Variants in NCKAP5 observed in about 807,000 individuals in gnomAD.
NCKAP5 encodes NCK associated protein 5.
A neutral mutation model predicts 167.0 loss-of-function variants in NCKAP5; 92 were observed. The ratio of observed to expected loss-of-function variants is 0.55; its 90% CI spans 0.47 to 0.66. NCKAP5 has a LOEUF of 0.66. NCKAP5 is among the 30% of genes least tolerant of loss of function. The probability of loss-of-function intolerance (pLI) is 0.00; values close to 1 mark genes in which losing one functional copy is unlikely to be tolerated. For missense variants in NCKAP5, 2,378 were observed against 2,315.0 expected (o/e 1.03, Z -0.56); for synonymous variants, 891 against 877.4 (o/e 1.02, Z -0.27).
At chr2:133,225,907 C>T (rs746857024) in intron 4 of NCKAP5, among the ~76,000 whole-genome samples, 7 of 150,988 alleles carry the variant, frequency 4.6e-5, no homozygotes, top group East Asian at 3.9e-4. Context: ...CTCAGCCTCC[C>T]GAGTAGCTGG....
intron 2 of NCKAP5, among the ~76,000 whole-genome samples, chr2:133,532,945 G>A (rs1341141219): frequency 1.3e-5 from 2 of 152,174 alleles, no homozygotes; most frequent in Non-Finnish European, 2.9e-5. Flanking sequence ...TAATTTTTCA[G>A]AGGCTAGAGG....
At chr2:133,573,785 G>A in the NCKAP5 span, among the ~76,000 whole-genome samples, 48 of 152,306 alleles carry the variant, frequency 3.2e-4, no homozygotes, top group African/African-American at 1.1e-3. Context: ...AAAAGGGAAC[G>A]GGTGTCGGGA....
intron 18 of NCKAP5, 137 bp from the exon 19 acceptor site, chr2:132,725,896 G>T: frequency 1.1e-6 from 1 of 909,868 alleles, no homozygotes; most frequent in Non-Finnish European, 1.6e-6. Context: ...CCAGCCCGCC[G>T]CTCACCCGAG....
chr2:133,345,745 T>C (rs1444943745), intron 3 of NCKAP5, among the ~76,000 whole-genome samples: 1 of 152,046 alleles, frequency 6.6e-6, no homozygotes, highest in Non-Finnish European at 1.5e-5. Context: ...CATTGTGACT[T>C]TGTAGGTGGT....
At chr2:132,752,561 A>G (rs973606797) in intron 16 of NCKAP5, among the ~76,000 whole-genome samples, 2 of 152,164 alleles carry the variant, frequency 1.3e-5, no homozygotes, top group Admixed American at 1.3e-4. Flanking sequence ...GAATAAGTTT[A>G]TTGGCTTAGT....
intron 5 of NCKAP5, among the ~76,000 whole-genome samples, chr2:133,193,994 C>CT (rs1652657565): frequency 6.6e-6 from 1 of 152,038 alleles, no homozygotes. Context: ...GACTTTACTG[C>CT]TTTTAAATTT....
the NCKAP5 span, among the ~76,000 whole-genome samples, chr2:133,617,037 A>G: frequency 2.4e-3 from 358 of 152,332 alleles, 4 homozygotes; most frequent in African/African-American, 7.5e-3. Flanking sequence ...TATAAACAGA[A>G]CCAAAGACAA....
At chr2:133,493,738 T>C (rs1039360532) in intron 3 of NCKAP5, among the ~76,000 whole-genome samples, 3 of 152,230 alleles carry the variant, frequency 2.0e-5, no homozygotes, top group African/African-American at 7.2e-5. Flanking sequence ...ATAAAGCTAA[T>C]GTTTCCATTT....
At chr2:133,082,067 T>C (rs1056776273) in intron 6 of NCKAP5, among the ~76,000 whole-genome samples, 8 of 152,132 alleles carry the variant, frequency 5.3e-5, no homozygotes, top group Non-Finnish European at 1.2e-4. Context: ...CCCTGCTGTC[T>C]GTTGTGCCCC....
chr2:132,839,889 A>G (rs149186313), intron 11 of NCKAP5, among the ~76,000 whole-genome samples: 1 of 152,338 alleles, frequency 6.6e-6, no homozygotes, highest in African/African-American at 2.4e-5. Flanking sequence ...TATTCTTACA[A>G]TAAAGTAAGC....
chr2:133,205,245 T>C (rs762075317), intron 5 of NCKAP5, among the ~76,000 whole-genome samples: 1 of 151,960 alleles, frequency 6.6e-6, no homozygotes, highest in Non-Finnish European at 1.5e-5. Context: ...ATGGGCCAGG[T>C]TGTGCCACTG....
chr2:133,487,056 A>G (rs1680966383), intron 3 of NCKAP5, among the ~76,000 whole-genome samples: 1 of 152,144 alleles, frequency 6.6e-6, no homozygotes, highest in African/African-American at 2.4e-5. Flanking sequence ...TGGCTCAAAA[A>G]TAGCCCGGAC....
chr2:133,487,849 CTG>C (rs1439829374), intron 3 of NCKAP5, among the ~76,000 whole-genome samples: 2 of 152,170 alleles, frequency 1.3e-5, no homozygotes, highest in Non-Finnish European at 2.9e-5. Context: ...CAAATTTCCC[CTG>C]TCTTTCATGG....
chr2:133,414,285 C>T (rs759401561), intron 3 of NCKAP5, among the ~76,000 whole-genome samples: 1 of 152,168 alleles, frequency 6.6e-6, no homozygotes, highest in Non-Finnish European at 1.5e-5. Context: ...TATATGTGTG[C>T]TCTATGATTC....
the NCKAP5 span, among the ~76,000 whole-genome samples, chr2:133,671,214 C>CAAAA: frequency 9.4e-3 from 491 of 52,244 alleles, no homozygotes; most frequent in Non-Finnish European, 0.014. Flanking sequence ...GACTCCGTCT[C>CAAAA]AAAAAAAAAA....
At chr2:132,734,182 GTA>G (rs1237771849) in intron 16 of NCKAP5, among the ~76,000 whole-genome samples, 1 of 152,164 alleles carries the variant, frequency 6.6e-6, no homozygotes, top group Non-Finnish European at 1.5e-5. Flanking sequence ...TCAATTAAGG[GTA>G]TTTAATTGTT....
intron 4 of NCKAP5, among the ~76,000 whole-genome samples, chr2:133,225,727 T>C (rs1487595750): frequency 6.7e-6 from 1 of 150,308 alleles, no homozygotes; most frequent in African/African-American, 2.4e-5. Context: ...AATCCTTTTA[T>C]GTCAGCCTCC....
intron 5 of NCKAP5, among the ~76,000 whole-genome samples, chr2:133,184,377 C>T (rs902016909): frequency 1.8e-4 from 27 of 152,148 alleles, no homozygotes; most frequent in African/African-American, 6.5e-4. Flanking sequence ...CTGATGGACA[C>T]TTAGGTTGGT....
At chr2:133,230,358 C>T (rs910384717) in intron 4 of NCKAP5, among the ~76,000 whole-genome samples, 2 of 152,086 alleles carry the variant, frequency 1.3e-5, no homozygotes, top group South Asian at 4.2e-4. Flanking sequence ...CTCCTTCTAG[C>T]GTTGCTGTGG....
Sources: allele counts gnomAD v4.1 joint callset (sites outside exome capture counted in the v4.1 genomes callset), GRCh38; gene constraint gnomAD v4.1.1; transcripts MANE v1.5; gene names NCBI Gene and HGNC (gene_info 2026-07-23, HGNC 2026-07-21).